Variants in UPP1 observed in about 807,000 individuals in gnomAD.
The protein encoded by UPP1 is UPase 1.
In UPP1, 25 loss-of-function variants were observed where a neutral mutation model predicts 29.6. That is an observed-to-expected ratio of 0.85 (90% CI 0.62 to 1.18). UPP1 has a LOEUF of 1.18. UPP1 is among the 50% of genes most tolerant of loss of function. The pLI, the probability that UPP1 is intolerant of heterozygous loss-of-function variation, is 0.00. For synonymous variants in UPP1, 165 were observed against 159.8 expected (o/e 1.03, Z -0.25); for missense variants, 368 against 410.4 (o/e 0.90, Z 0.89).
chr7:48,095,100 T>C (rs1461982644), intron 3 of UPP1, among the ~76,000 whole-genome samples: 3 of 152,200 alleles, frequency 2.0e-5, no homozygotes, highest in Non-Finnish European at 4.4e-5. Context: ...CTCTGTCTAG[T>C]AGGTTTTTCC....
Position 48,108,507 on chromosome 7 carries a change from C to A in UPP1, c.*150C>A. On this transcript the variant is annotated 3_prime_UTR_variant, in exon 9 of 9. Coordinates refer to ENST00000395564, the MANE Select transcript of UPP1 (RefSeq NM_003364.4). ...AAGAGACAGAGAATCTTGGATTAAC[C>A]GCATGGGAGATGTTCTTCCTTTTGA... 1 of 873,282 alleles carries A rather than the reference C, an allele frequency of 1.1e-6. No homozygotes were observed. The allele number at this position is 873,282 out of a possible 1,614,324, so 54.1% of individuals were successfully genotyped here. A position where few individuals can be genotyped will look rare whatever the true frequency, so the allele number is the denominator to read the frequency against.
intron 6 of UPP1, 34 bp from the exon 7 acceptor site, chr7:48,106,839 C>T (rs1483202466): frequency 1.2e-6 from 2 of 1,606,516 alleles, no homozygotes; most frequent in Admixed American, 1.7e-5. Flanking sequence ...TTGTTTTACA[C>T]CCTGCATATC....
chr7:48,094,885 T>C (rs1399787972), intron 3 of UPP1, 58 bp downstream of exon 3: 7 of 1,579,720 alleles, frequency 4.4e-6, no homozygotes, highest in Non-Finnish European at 5.2e-6. Context: ...TTATAGAGCA[T>C]ATGTTGTGCC....
Position 48,103,428 on chromosome 7 carries a change from G to A in UPP1, c.436+17G>A. The A allele has an allele frequency of 1.2e-6, 2 of 1,603,648 alleles. No individual in the cohort carries two copies. The highest frequency in any genetic ancestry group is 1.7e-4 in the Middle Eastern group (1 of 5,990). ...GTGGGATAGGTAAGGTCTGCAGAGGGGCCTCTTGCCCTGTGAATGGATGAG... is the reference window on the plus strand; with the variant it reads ...GTGGGATAGGTAAGGTCTGCAGAGGAGCCTCTTGCCCTGTGAATGGATGAG... On this transcript the variant is annotated intron_variant, in intron 6 of 8. Coordinates refer to ENST00000395564, the MANE Select transcript of UPP1 (RefSeq NM_003364.4).
At chr7:48,097,106 A>T (rs1792165944) in intron 3 of UPP1, among the ~76,000 whole-genome samples, 2 of 152,390 alleles carry the variant, frequency 1.3e-5, no homozygotes, top group Non-Finnish European at 1.5e-5. Context: ...ACTTGAAATT[A>T]TGTGTAGACT....
chr7:48,103,776 C>T, intron 6 of UPP1: 2 of 1,292,556 alleles, frequency 1.5e-6, no homozygotes, highest in African/African-American at 3.0e-5. Flanking sequence ...CTCCCTAATC[C>T]TGCAGGGATT....
chr7:48,103,463 C>A, intron 6 of UPP1, 52 bp downstream of exon 6: 2 of 1,457,802 alleles, frequency 1.4e-6, no homozygotes, highest in Non-Finnish European at 1.9e-6. Flanking sequence ...GGGACTGGGG[C>A]ATGCCAAGGC....
intron 4 of UPP1, 133 bp downstream of exon 4, chr7:48,099,920 A>G (rs1183007810): frequency 1.5e-6 from 1 of 665,666 alleles, no homozygotes. Flanking sequence ...TGTTTACCAA[A>G]TTTTTGCAAG....
intron 3 of UPP1, among the ~76,000 whole-genome samples, chr7:48,098,465 C>T (rs1487260065): frequency 1.3e-5 from 2 of 152,074 alleles, no homozygotes; most frequent in African/African-American, 2.4e-5. Context: ...GTGGTCATGG[C>T]CTCCAGAAAT....
chr7:48,104,547 T>C (rs1192188780), intron 6 of UPP1: 1 of 152,258 alleles, frequency 6.6e-6, no homozygotes, highest in African/African-American at 2.4e-5. Context: ...GCCTGGACTA[T>C]CTAGGATTTA....
chr7:48,103,882 A>G, intron 6 of UPP1: 1 of 1,287,848 alleles, frequency 7.8e-7, no homozygotes, highest in Non-Finnish European at 1.0e-6. Flanking sequence ...ATTAGCTTAA[A>G]ATGTCCCTAT....
At chr7:48,101,034 GT>G (rs1792390546) in intron 4 of UPP1, among the ~76,000 whole-genome samples, 1 of 152,010 alleles carries the variant, frequency 6.6e-6, no homozygotes, top group South Asian at 2.1e-4. Flanking sequence ...AGCCTCCTGA[GT>G]AGCTGGGATT....
intron 5 of UPP1, 81 bp downstream of exon 5, chr7:48,102,063 T>C (rs1032568650): frequency 1.9e-5 from 28 of 1,480,242 alleles, no homozygotes; most frequent in Non-Finnish European, 2.3e-5. Context: ...CACAGACAGC[T>C]GGTCCCCTAA....
chr7:48,097,816 C>T (rs7341420), intron 3 of UPP1, among the ~76,000 whole-genome samples: 99,596 of 152,040 alleles, frequency 0.66, 33,133 homozygotes, highest in African/African-American at 0.78. Flanking sequence ...GTGTGCAGAT[C>T]GTCAGAATTT....
At chr7:48,096,207 C>T (rs891670451) in intron 3 of UPP1, among the ~76,000 whole-genome samples, 1 of 152,094 alleles carries the variant, frequency 6.6e-6, no homozygotes, top group Non-Finnish European at 1.5e-5. Context: ...ATTATTTTAC[C>T]CTCCCTTGTT....
chr7:48,099,302 T>G (rs1242824832), intron 3 of UPP1, among the ~76,000 whole-genome samples: 1 of 152,214 alleles, frequency 6.6e-6, no homozygotes, highest in Non-Finnish European at 1.5e-5. Context: ...CATAGTAGTT[T>G]TAAAATAAAT....
chr7:48,092,786 T>G (rs1287921798), intron 2 of UPP1, among the ~76,000 whole-genome samples: 1 of 151,516 alleles, frequency 6.6e-6, no homozygotes, highest in African/African-American at 2.4e-5. Flanking sequence ...CACTACAACC[T>G]TCATCTCCTG....
chr7:48,106,423 G>A (rs186374156), intron 6 of UPP1: 33 of 172,534 alleles, frequency 1.9e-4, no homozygotes, highest in East Asian at 1.8e-3. Context: ...TGATTCTCCC[G>A]CCTCAGTCTC....
At chr7:48,103,440 TG>T (rs1450131073) in intron 6 of UPP1, 29 bp downstream of exon 6, 27 of 1,571,226 alleles carry the variant, frequency 1.7e-5, no homozygotes, top group Non-Finnish European at 2.4e-5. Flanking sequence ...CCTCTTGCCC[TG>T]TGAATGGATG....
Sources: allele counts gnomAD v4.1 joint callset (sites outside exome capture counted in the v4.1 genomes callset), GRCh38; gene constraint gnomAD v4.1.1; transcripts MANE v1.5; gene names NCBI Gene and HGNC (gene_info 2026-07-23, HGNC 2026-07-21).